The following ROCK2 variants were observed in gnomAD, a reference collection of about 807,000 sequenced individuals.
The protein encoded by ROCK2 is rho-associated protein kinase 2.
Under a neutral mutation model 195.1 loss-of-function variants are expected in ROCK2, and 61 were observed. That is an observed-to-expected ratio of 0.31 (90% confidence interval 0.25 to 0.39). The LOEUF (loss-of-function observed/expected upper bound fraction) is 0.39. Ranked by LOEUF, ROCK2 falls within the 10% of genes least tolerant of loss-of-function variation. ROCK2 has a pLI of 1.00. For missense variants in ROCK2, 1,109 were observed against 1,637.4 expected, an observed-to-expected ratio of 0.68 and a Z score of 5.57; for synonymous variants, 504 against 545.5, an observed-to-expected ratio of 0.92 and a Z score of 1.06.
rs566243059 is a variant in ROCK2 at position 11,188,686 on chromosome 2, T to G, written c.4163+3462A>C. ...TCGCCCAGGCTGGAGTGCAGTGGCG[T>G]GATCTCGGCTCACTACAAGCTCCGC... On this transcript the variant is annotated intron_variant, in intron 32 of 32. Transcript: ENST00000315872. Among the ~76,000 whole-genome samples the G allele has an allele frequency of 5.4e-5, 8 of 147,604 alleles. No homozygotes were observed. The South Asian group carries it at 1.9e-3, about 36-fold the overall frequency.
rs1223764952 is a variant in ROCK2 at position 11,181,309 on chromosome 2, A to G, written c.*2128T>C. On this transcript the variant is annotated 3_prime_UTR_variant, in exon 33 of 33. Transcript: ENST00000315872. ...CTTTTAACAACTCTAATGAATGGAAATATTTATTCTATATAAATTTATATA... is the reference window on the plus strand; with the variant it reads ...CTTTTAACAACTCTAATGAATGGAAGTATTTATTCTATATAAATTTATATA... The G allele has an allele frequency of 6.6e-6, 1 of 150,672 alleles. No homozygotes were observed. The highest frequency in any genetic ancestry group is 1.5e-5 in the Non-Finnish European group (1 of 67,700). 9.3% of individuals were successfully genotyped at this position (150,672 alleles called of 1,614,324 possible). A position where few individuals can be genotyped will look rare whatever the true frequency, so the allele number is the denominator to read the frequency against.
At chr2:11,313,566 C>A (rs945601421) in intron 1 of ROCK2, among the ~76,000 whole-genome samples, 18 of 151,964 alleles carry the variant, frequency 1.2e-4, no homozygotes, top group African/African-American at 4.3e-4. Context: ...ATTTGTATAA[C>A]CTCTTTATGT....
At position 11,197,414 on chromosome 2, in the gene ROCK2, T is replaced by C. The variant is rs767626682; in HGVS notation, c.3280-66A>G. The C allele has an allele frequency of 7.8e-6, 12 of 1,540,466 alleles. No homozygotes were observed. Among genetic ancestry groups the C allele is most frequent in the Admixed American group, 5.5e-5 (3 of 54,182 alleles). On this transcript the variant is annotated intron_variant, in intron 26 of 32. Coordinates refer to ENST00000315872, the MANE Select transcript of ROCK2 (RefSeq NM_004850.5). This position sits in a 1 kb window ranked among gnomAD's most constrained non-coding sequence, Gnocchi z 4.9. ...ATAACTCAACATTTTGCTTCTTGGTTCAATAATAATTATTAAATAGAAATG... is the reference window on the plus strand; with the variant it reads ...ATAACTCAACATTTTGCTTCTTGGTCCAATAATAATTATTAAATAGAAATG...
intron 17 of ROCK2, among the ~76,000 whole-genome samples, chr2:11,212,459 G>GC (rs891483097): frequency 9.9e-5 from 15 of 151,726 alleles, no homozygotes; most frequent in Non-Finnish European, 2.1e-4. Flanking sequence ...TGAACTCACT[G>GC]CCCCCCTTAA....
intron 32 of ROCK2, among the ~76,000 whole-genome samples, chr2:11,188,132 A>G (rs1663269305): frequency 8.7e-6 from 1 of 115,246 alleles, no homozygotes; most frequent in African/African-American, 3.5e-5. Context: ...TTTTTGTGTG[A>G]CGGAGTCTCG....
At chr2:11,210,708 AC>A (rs1195008326) in intron 18 of ROCK2, among the ~76,000 whole-genome samples, 7 of 152,184 alleles carry the variant, frequency 4.6e-5, no homozygotes, top group African/African-American at 1.4e-4. Context: ...AAAAATGTTT[AC>A]ATTTTATTAT....
chr2:11,329,526 C>A (rs1668652969), intron 1 of ROCK2, among the ~76,000 whole-genome samples: 1 of 150,874 alleles, frequency 6.6e-6, no homozygotes, highest in African/African-American at 2.4e-5. Context: ...TTATGACTTC[C>A]CTCAGAAGAA....
At chr2:11,343,741 C>T (rs747569266) in intron 1 of ROCK2, among the ~76,000 whole-genome samples, 9 of 152,166 alleles carry the variant, frequency 5.9e-5, no homozygotes, top group Non-Finnish European at 1.2e-4. Flanking sequence ...GTGTTTTCCT[C>T]CCAGTGCTGC....
intron 4 of ROCK2, among the ~76,000 whole-genome samples, chr2:11,245,831 T>C (rs933093335): frequency 4.6e-5 from 7 of 152,182 alleles, no homozygotes; most frequent in Non-Finnish European, 8.8e-5. Context: ...CTGAAACATA[T>C]CACACAGGTT....
At chr2:11,219,644 T>C (rs1345646346) in intron 9 of ROCK2, among the ~76,000 whole-genome samples, 1 of 152,066 alleles carries the variant, frequency 6.6e-6, no homozygotes, top group African/African-American at 2.4e-5. Flanking sequence ...CATCTTATTA[T>C]CTCATTTTTC....
Position 11,201,893 on chromosome 2 carries a change from G to A in ROCK2, c.2619+159C>T, listed in dbSNP as rs928155235. ...TAATCAGCTTCACCAGGTATGTTTTGTGCTTAGAATTATTTTTCTAGCAAT... is the reference window on the plus strand; with the variant it reads ...TAATCAGCTTCACCAGGTATGTTTTATGCTTAGAATTATTTTTCTAGCAAT... On this transcript the variant is annotated intron_variant, in intron 21 of 32. Transcript: ENST00000315872. The surrounding 1 kb of genome is among the most constrained non-coding windows in gnomAD (Gnocchi z 4.6). 7.9e-5 allele frequency among the ~76,000 whole-genome samples: 12 copies of A among 152,112 alleles called. No homozygotes were observed. Among genetic ancestry groups the A allele is most frequent in the African/African-American group, 2.4e-4 (10 of 41,422 alleles).
At chr2:11,237,572 T>C (rs1365585637) in intron 4 of ROCK2, among the ~76,000 whole-genome samples, 1 of 152,300 alleles carries the variant, frequency 6.6e-6, no homozygotes, top group South Asian at 2.1e-4. Context: ...AAAAATGCCA[T>C]ATACACAAAA....
intron 18 of ROCK2, among the ~76,000 whole-genome samples, 161 bp from the exon 19 acceptor site, chr2:11,208,608 T>C (rs1408995119): frequency 6.6e-6 from 1 of 150,616 alleles, no homozygotes; most frequent in African/African-American, 2.4e-5. Context: ...TTTCTTTTTT[T>C]TTTTTTTGAG....
chr2:11,258,133 G>A (rs1202518638), intron 3 of ROCK2, among the ~76,000 whole-genome samples: 5 of 151,292 alleles, frequency 3.3e-5, no homozygotes, highest in Non-Finnish European at 5.9e-5. Flanking sequence ...AACTCCATGA[G>A]GGCTGAAACT....
At chr2:11,193,537 A>G (rs1264284540) in intron 30 of ROCK2, among the ~76,000 whole-genome samples, 2 of 152,178 alleles carry the variant, frequency 1.3e-5, no homozygotes, top group African/African-American at 4.8e-5. Context: ...CAGAAACATG[A>G]TACAAACACA....
chr2:11,304,120 C>A (rs906264875), intron 1 of ROCK2, among the ~76,000 whole-genome samples: 10 of 152,122 alleles, frequency 6.6e-5, no homozygotes, highest in Admixed American at 2.0e-4. Flanking sequence ...TCTTGTCTTG[C>A]GTCTTTAAAT....
chr2:11,307,194 A>G (rs1667884405), intron 1 of ROCK2, among the ~76,000 whole-genome samples: 1 of 152,258 alleles, frequency 6.6e-6, no homozygotes, highest in African/African-American at 2.4e-5. Flanking sequence ...GTTTCTACAC[A>G]TGAAGTAGTC....
At chr2:11,280,400 G>A (rs567450386) in intron 3 of ROCK2, among the ~76,000 whole-genome samples, 4 of 151,394 alleles carry the variant, frequency 2.6e-5, no homozygotes, top group Non-Finnish European at 5.9e-5. Context: ...GAGGCGGGCG[G>A]ATCACCTGAG....
At chr2:11,261,034 C>T (rs1666208113) in intron 3 of ROCK2, among the ~76,000 whole-genome samples, 2 of 152,204 alleles carry the variant, frequency 1.3e-5, no homozygotes, top group Non-Finnish European at 2.9e-5. Flanking sequence ...TGGCACAATG[C>T]TAAATTGACT....
Sources: gnomAD v4.1 joint callset for allele counts (sites outside exome capture counted in the v4.1 genomes callset) on GRCh38, gnomAD v4.1.1 for gene constraint, Gnocchi (gnomAD v3.1) non-coding constraint, MANE v1.5 for transcripts, NCBI Gene and HGNC (gene_info 2026-07-23, HGNC 2026-07-21) for gene names.